YY1AP1: variants seen among roughly 807,000 people sequenced by gnomAD.
The protein encoded by YY1AP1 is YY1 associated protein 1.
A neutral mutation model predicts 39.9 loss-of-function variants in YY1AP1; 43 were observed. The ratio of observed to expected loss-of-function variants is 1.08; its 90% CI spans 0.84 to 1.39. YY1AP1 has a LOEUF of 1.39. Ranked by LOEUF, YY1AP1 falls within the 40% of genes most tolerant of loss-of-function variation. The pLI is 0.00. For synonymous variants in YY1AP1, 292 were observed against 331.3 expected (o/e 0.88, Z 1.29); for missense variants, 813 against 900.7 (o/e 0.90, Z 1.25).
Position 155,659,741 on chromosome 1 carries a change from T to G in YY1AP1, c.2169A>C (p.Leu723=), listed in dbSNP as rs1558294046. 2 of 1,614,206 alleles carry G rather than the reference T, an allele frequency of 1.2e-6. No homozygotes were observed. The highest frequency in any genetic ancestry group is 8.5e-7 in the Non-Finnish European group (1 of 1,180,036). Residue 723 remains leucine (L), a synonymous_variant, in exon 11 of 11, where the codon CTA becomes CTC. Transcript: ENST00000355499. ...EPLPQGIQES[L]NNSSPGDLEE... ...CTAAATCCCCAGGGGAAGAGTTGTT[T>G]AGAGACTCCTGGATGCCCTGAGGGA...
At chr1:155,662,425 G>T (rs570356898) in intron 9 of YY1AP1, among the ~76,000 whole-genome samples, 1 of 151,886 alleles carries the variant, frequency 6.6e-6, no homozygotes, top group East Asian at 1.9e-4. Context: ...TGGCAGTGGG[G>T]GTGGTAGGGT....
intron 2 of YY1AP1, among the ~76,000 whole-genome samples, chr1:155,682,729 T>G (rs1257924540): frequency 6.6e-6 from 1 of 152,172 alleles, no homozygotes; most frequent in African/African-American, 2.4e-5. Flanking sequence ...CCAATGGAAT[T>G]CCTGGATAAA....
Position 155,660,041 on chromosome 1 carries a change from C to T in YY1AP1, c.1869G>A (p.Val623=), listed in dbSNP as rs1558295082. ...CAGGGGTGGATGGTATAGGAAGATT[C>T]ACAGAATTGCCAGAAACAATTAAGG... The part of the protein sequence containing the change: ...VSPLIVSGNS[V]NLPIPSTPED... Residue 623 remains valine, a synonymous_variant, in exon 11 of 11, where the codon GTG becomes GTA. Coordinates refer to ENST00000355499, the MANE Select transcript of YY1AP1 (RefSeq NM_139119.3). The T allele has an allele frequency of 6.2e-7, 1 of 1,614,144 alleles. No homozygotes were observed. The highest frequency in any genetic ancestry group is 8.5e-7 in the Non-Finnish European group (1 of 1,180,034).
At chr1:155,672,063 C>T (rs1475127979) in intron 7 of YY1AP1, among the ~76,000 whole-genome samples, 1 of 152,154 alleles carries the variant, frequency 6.6e-6, no homozygotes, top group African/African-American at 2.4e-5. Context: ...ATACTGAACA[C>T]GGCAAATGTA....
At chr1:155,684,771 A>G (rs1651992444) in intron 2 of YY1AP1, among the ~76,000 whole-genome samples, 1 of 152,044 alleles carries the variant, frequency 6.6e-6, no homozygotes, top group Admixed American at 6.6e-5. Flanking sequence ...ATTTTAGTAG[A>G]GACGGGGTTT....
At chr1:155,672,290 C>T (rs966704573) in intron 7 of YY1AP1, 1 of 525,650 alleles carries the variant, frequency 1.9e-6, no homozygotes, top group Admixed American at 3.2e-5. Flanking sequence ...TTGCTGTAGT[C>T]CAATTCTTAG....
chr1:155,665,227 G>A (rs979593942), intron 9 of YY1AP1, among the ~76,000 whole-genome samples: 3 of 151,676 alleles, frequency 2.0e-5, no homozygotes, highest in Non-Finnish European at 4.4e-5. Flanking sequence ...AGACCAGCCT[G>A]GGCAAAAAAC....
intron 1 of YY1AP1, 86 bp downstream of exon 1, chr1:155,688,573 G>A: frequency 6.5e-7 from 1 of 1,537,428 alleles, no homozygotes; most frequent in Non-Finnish European, 8.7e-7. Flanking sequence ...TCCCGTACGC[G>A]CTCACCCACG....
chr1:155,675,455 G>A (rs1005992112), intron 5 of YY1AP1, among the ~76,000 whole-genome samples: 7 of 151,916 alleles, frequency 4.6e-5, no homozygotes, highest in African/African-American at 1.7e-4. Context: ...AACCTCCCGA[G>A]TAGCTGGGAT....
Position 155,672,679 on chromosome 1 carries a change from T to C in YY1AP1, c.464A>G (p.Asn155Ser), listed in dbSNP as rs1214988613. 6.2e-7 allele frequency: 1 copy of C among 1,613,934 alleles called. No homozygotes were observed. Among genetic ancestry groups the C allele is most frequent in the East Asian group, 2.2e-5 (1 of 44,870 alleles). The stretch of plus-strand genomic sequence containing the variant: ...TTGGAACAGGGTCTGAAACTTGGGG[T>C]TGTACTGATGGTGAAGGGCGATGGA... The part of the protein sequence containing the change: ...QSSIALHHQY[N>S]PKFQTLFQPC... Residue 155 changes from asparagine to serine, a missense_variant, in exon 7 of 11, where the codon AAC becomes AGC. Physicochemically the swap from Asn to Ser is conservative, Grantham distance 46. Around this residue, in one of 3 missense-constraint regions of YY1AP1, gnomAD observed 196 missense variants for 189.7 expected, o/e 1.03. Coordinates refer to ENST00000355499, the MANE Select transcript of YY1AP1 (RefSeq NM_139119.3).
At chr1:155,679,332 T>C in intron 4 of YY1AP1, 77 bp downstream of exon 4, 2 of 1,601,874 alleles carry the variant, frequency 1.2e-6, no homozygotes, top group Non-Finnish European at 1.7e-6. Flanking sequence ...GAAAAATTGT[T>C]AACTGCAACT....
At chr1:155,682,193 TATC>T (rs1430400888) in intron 2 of YY1AP1, among the ~76,000 whole-genome samples, 8 of 152,304 alleles carry the variant, frequency 5.3e-5, no homozygotes, top group African/African-American at 1.9e-4. Context: ...TCGAAATGAT[TATC>T]ATGTTAATGG....
rs765156946 is a variant in YY1AP1, at chr1:155,679,265, C to T, written c.125+144G>A. On this transcript the variant is annotated intron_variant, in intron 4 of 10. Coordinates refer to ENST00000355499, the MANE Select transcript of YY1AP1 (RefSeq NM_139119.3). Reference sequence around the variant, plus strand: ...CATAACAAGGAGACTTCACTTGACACCTAACTCCTGACAGGACTCTGCATC... The same window carrying T: ...CATAACAAGGAGACTTCACTTGACATCTAACTCCTGACAGGACTCTGCATC... 8.4e-6 allele frequency: 13 copies of T among 1,540,560 alleles called. No individual in the cohort carries two copies. In the East Asian group the frequency reaches 9.9e-5, roughly 12 times the overall value.
At chr1:155,667,130 G>A (rs973398547) in intron 9 of YY1AP1, among the ~76,000 whole-genome samples, 1 of 152,226 alleles carries the variant, frequency 6.6e-6, no homozygotes, top group African/African-American at 2.4e-5. Context: ...AGGCTGCAGT[G>A]AGCTATGACT....
intron 8 of YY1AP1, 60 bp from the exon 9 acceptor site, chr1:155,668,837 C>A: frequency 6.2e-7 from 1 of 1,609,798 alleles, no homozygotes; most frequent in Non-Finnish European, 8.5e-7. Context: ...AAAGGGCCTC[C>A]CCAGACTAAC....
At chr1:155,680,477 G>A (rs1651354758) in intron 2 of YY1AP1, 21 bp from the exon 3 acceptor site, 2 of 1,608,454 alleles carry the variant, frequency 1.2e-6, no homozygotes, top group Non-Finnish European at 1.7e-6. Context: ...GCCAAACGTT[G>A]TTGGTATAAA....
At chr1:155,677,656 T>C (rs2149059473) in intron 4 of YY1AP1, among the ~76,000 whole-genome samples, 1 of 152,340 alleles carries the variant, frequency 6.6e-6, no homozygotes, top group Admixed American at 6.5e-5. Context: ...TGAATAAGTT[T>C]TCTTTTATAG....
Position 155,688,737 on chromosome 1 carries a change from C to A in YY1AP1, c.-230G>T. On this transcript the variant is annotated 5_prime_UTR_variant, in exon 1 of 11. Transcript: ENST00000355499. ...CCTCCCCGCCCGCACGGCCACCAAC[C>A]GCCGCCAAAGCAGCCGCCGCCAGCA... 2 of 1,518,428 alleles carry A rather than the reference C, an allele frequency of 1.3e-6. No homozygotes were observed. Among genetic ancestry groups the A allele is most frequent in the Non-Finnish European group, 1.8e-6 (2 of 1,139,752 alleles). The allele number at this position is 1,518,428 out of a possible 1,614,324, so 94.1% of individuals were successfully genotyped here.
At chr1:155,683,198 A>G (rs1173984136) in intron 2 of YY1AP1, among the ~76,000 whole-genome samples, 1 of 152,250 alleles carries the variant, frequency 6.6e-6, no homozygotes, top group Non-Finnish European at 1.5e-5. Context: ...TTGGAAAATG[A>G]AAATGCCCAA....
Sources: allele counts gnomAD v4.1 joint callset (sites outside exome capture counted in the v4.1 genomes callset), GRCh38; gene constraint gnomAD v4.1.1; regional missense constraint gnomAD v4.1.1; transcripts MANE v1.5; gene names NCBI Gene and HGNC (gene_info 2026-07-23, HGNC 2026-07-21).